LIPA: variants seen among roughly 807,000 people sequenced by gnomAD.
LIPA encodes lysosomal acid lipase/cholesteryl ester hydrolase.
In LIPA, 26 loss-of-function variants were observed where a neutral mutation model predicts 40.6. The ratio of observed to expected loss-of-function variants is 0.64; its 90% CI spans 0.47 to 0.89. The LOEUF is 0.89. LIPA is among the 40% of genes least tolerant of loss of function. The pLI, the probability that LIPA is intolerant of heterozygous loss-of-function variation, is 0.00. For synonymous variants in LIPA, 188 were observed against 168.4 expected, an observed-to-expected ratio of 1.12 and a Z score of -0.90; for missense variants, 455 against 479.6, an observed-to-expected ratio of 0.95 and a Z score of 0.48.
At chr10:89,223,853 A>C (rs140488274) in intron 6 of LIPA, 23 bp from the exon 7 acceptor site, 8 of 1,613,046 alleles carry the variant, frequency 5.0e-6, no homozygotes, top group Non-Finnish European at 6.8e-6. Context: ...AAGAAACCCA[A>C]GAACATCTCA....
At chr10:89,265,688 G>A (rs1180336367) in intron 1 of LIPA, among the ~76,000 whole-genome samples, 2 of 152,184 alleles carry the variant, frequency 1.3e-5, no homozygotes, top group East Asian at 3.8e-4. Flanking sequence ...ACTCATAAAA[G>A]ATGTTGTCCA....
At chr10:89,304,715 A>T (rs1041017515) in intron 1 of LIPA, among the ~76,000 whole-genome samples, 3 of 152,212 alleles carry the variant, frequency 2.0e-5, no homozygotes, top group African/African-American at 7.2e-5. Flanking sequence ...TTCGAAATAC[A>T]GGCTTTTGCT....
intron 1 of LIPA, among the ~76,000 whole-genome samples, chr10:89,269,445 T>C (rs550008486): frequency 6.6e-5 from 10 of 152,324 alleles, no homozygotes; most frequent in African/African-American, 2.4e-4. Context: ...CTAATGTAGG[T>C]ATATCTTTAA....
intron 2 of LIPA, chr10:89,378,057 G>C: frequency 1.3e-6 from 2 of 1,516,392 alleles, no homozygotes; most frequent in Non-Finnish European, 1.8e-6. Context: ...AGAAGCCCTA[G>C]AACTCTGTGG....
chr10:89,244,930 T>C (rs1477990670), intron 3 of LIPA, among the ~76,000 whole-genome samples: 1 of 152,226 alleles, frequency 6.6e-6, no homozygotes, highest in East Asian at 1.9e-4. Flanking sequence ...ATGTATCATG[T>C]AAATAAACTT....
At chr10:89,383,480 AC>A (rs1346431130) in intron 2 of LIPA, 1 of 1,614,200 alleles carries the variant, frequency 6.2e-7, no homozygotes, top group East Asian at 2.2e-5. Flanking sequence ...GGAATACACA[AC>A]CTACTAGCCT....
At chr10:89,218,706 C>T (rs1476870077) in intron 8 of LIPA, among the ~76,000 whole-genome samples, 2 of 152,180 alleles carry the variant, frequency 1.3e-5, no homozygotes, top group Non-Finnish European at 2.9e-5. Flanking sequence ...GACAACACCC[C>T]GAGGATGGCA....
chr10:89,302,703 A>T (rs987057042), intron 1 of LIPA, among the ~76,000 whole-genome samples: 1 of 152,158 alleles, frequency 6.6e-6, no homozygotes, highest in African/African-American at 2.4e-5. Context: ...TATGAATTAG[A>T]GATGGAGTGC....
chr10:89,296,689 C>G (rs542601136), intron 1 of LIPA, among the ~76,000 whole-genome samples: 73 of 152,204 alleles, frequency 4.8e-4, no homozygotes, highest in African/African-American at 1.6e-3. Context: ...TGGTAAATAA[C>G]TTTTCCCAAG....
chr10:89,274,622 C>T (rs1351820815), intron 1 of LIPA, among the ~76,000 whole-genome samples: 1 of 152,154 alleles, frequency 6.6e-6, no homozygotes, highest in African/African-American at 2.4e-5. Context: ...GTATCCTGGG[C>T]TCACTGACCC....
chr10:89,256,352 CAT>C (rs1453960541), upstream of LIPA, among the ~76,000 whole-genome samples: 1 of 152,206 alleles, frequency 6.6e-6, no homozygotes, highest in Admixed American at 6.5e-5. Flanking sequence ...TATTTAAAGA[CAT>C]GAGGCTGGAG....
At chr10:89,380,191 C>T (rs1300125734) in intron 2 of LIPA, among the ~76,000 whole-genome samples, 3 of 152,080 alleles carry the variant, frequency 2.0e-5, no homozygotes, top group African/African-American at 7.2e-5. Context: ...CCTGAGGTGG[C>T]CTAAGGGGAA....
chr10:89,320,853 C>G lies in LIPA; in HGVS notation c.-2+21758G>C, dbSNP rs541597216. 7.6e-3 allele frequency among the ~76,000 whole-genome samples: 1,154 copies of G among 152,168 alleles called. 15 individuals carry two copies. The highest frequency in any genetic ancestry group is 0.026 in the African/African-American group (1,095 of 41,484). On this transcript the variant is annotated intron_variant, in intron 1 of 5. Coordinates refer to the LIPA transcript ENST00000282673. ...CTACAGTAACCAAAACAGCATGGTA[C>G]TGGTACCAAAACAGAGATATAGACC...
At chr10:89,393,292 T>C in intron 2 of LIPA, 1 of 1,289,550 alleles carries the variant, frequency 7.8e-7, no homozygotes, top group Non-Finnish European at 1.0e-6. Context: ...GCAATCAGGC[T>C]GAGCTTAAGA....
intron 1 of LIPA, among the ~76,000 whole-genome samples, chr10:89,296,351 G>A (rs1020986307): frequency 1.3e-5 from 2 of 151,888 alleles, no homozygotes; most frequent in African/African-American, 4.8e-5. Context: ...AAAATCAGCT[G>A]GGCCTGGTAG....
At chr10:89,406,318 A>G (rs1273258507) in intron 2 of LIPA, 1 of 140,020 alleles carries the variant, frequency 7.1e-6, no homozygotes, top group African/African-American at 3.3e-5. Context: ...ACTCTGTAAA[A>G]TGGACCAATC....
intron 3 of LIPA, among the ~76,000 whole-genome samples, chr10:89,244,868 A>G (rs1843004973): frequency 6.6e-6 from 1 of 152,214 alleles, no homozygotes; most frequent in Non-Finnish European, 1.5e-5. Context: ...GGCAATATAT[A>G]TCAAAATCAC....
In LIPA at chr10:89,384,217, A is replaced by G. The variant is rs201982654; in HGVS notation, c.61+28574T>C. ...TTGCTACAGGGCACAAATGATCCAA[A>G]TCAAGGAAGCTACAAACTGGCAGCC... On this transcript the variant is annotated intron_variant, in intron 2 of 8. Transcript: ENST00000371837. 262 of 1,614,052 alleles carry G rather than the reference A, an allele frequency of 1.6e-4. 2 individuals carry two copies. The highest frequency in any genetic ancestry group is 9.9e-4 in the Middle Eastern group (6 of 6,084).
intron 2 of LIPA, chr10:89,384,821 T>C (rs1318582835): frequency 4.7e-6 from 6 of 1,264,782 alleles, no homozygotes; most frequent in Non-Finnish European, 6.6e-6. Flanking sequence ...CTTAAAGCTG[T>C]TGGAAATTTA....
Sources: allele counts gnomAD v4.1 joint callset (sites outside exome capture counted in the v4.1 genomes callset), GRCh38; gene constraint gnomAD v4.1.1; transcripts MANE v1.5; gene names NCBI Gene and HGNC (gene_info 2026-07-23, HGNC 2026-07-21).